The following NRTN variants were observed in gnomAD, a reference collection of about 807,000 sequenced individuals.
NRTN encodes prepro-neurturin.
Under a neutral mutation model 7.5 loss-of-function variants are expected in NRTN, and 3 were observed. The ratio of observed to expected loss-of-function variants is 0.40; its 90% CI spans 0.18 to 1.03. The LOEUF is 1.03. Ranked by LOEUF, NRTN falls within the 50% of genes least tolerant of loss-of-function variation. The pLI is 0.34. For missense variants in NRTN, 310 were observed against 307.0 expected, an observed-to-expected ratio of 1.01 and a Z score of -0.07; for synonymous variants, 157 against 146.6, an observed-to-expected ratio of 1.07 and a Z score of -0.51.
chr19:5,820,735 CAAGAAAAAAAAAAAA>C (rs974774871), intron 1 of NRTN, among the ~76,000 whole-genome samples: 11 of 62,140 alleles, frequency 1.8e-4, no homozygotes, highest in African/African-American at 5.4e-4. Context: ...AACTCTGTCT[CAAGAAAAAAAAAAAA>C]AAAAAAAAAA....
At chr19:5,822,833 C>T (rs2144765684) in intron 1 of NRTN, among the ~76,000 whole-genome samples, 1 of 151,732 alleles carries the variant, frequency 6.6e-6, no homozygotes, top group East Asian at 1.9e-4. Context: ...AGATTCCCCT[C>T]TCTATTAAAC....
chr19:5,815,066 C>T (rs1599635591), intron 1 of NRTN, among the ~76,000 whole-genome samples: 1 of 152,318 alleles, frequency 6.6e-6, no homozygotes, highest in African/African-American at 2.4e-5. Flanking sequence ...ATCTGCTTCC[C>T]CTCCTCTCAC....
chr19:5,805,985 G>A (rs143527262), intron 1 of NRTN, among the ~76,000 whole-genome samples: 1,767 of 152,214 alleles, frequency 0.012, 35 homozygotes, highest in African/African-American at 0.041. Context: ...GGTGAGGGCC[G>A]GGCCCTCTCG....
chr19:5,815,487 A>G (rs545314321), intron 1 of NRTN, among the ~76,000 whole-genome samples: 138 of 147,516 alleles, frequency 9.4e-4, no homozygotes, highest in African/African-American at 2.9e-3. Flanking sequence ...GCTGGAGTAC[A>G]GTGGCGCGAT....
chr19:5,824,126 CG>C lies in NRTN; in HGVS notation c.-36del. On this transcript the variant is annotated 5_prime_UTR_variant, in exon 2 of 3. Transcript: ENST00000303212. The stretch of plus-strand genomic sequence containing the variant: ...GCCCGTTGGCTGCTGGAGGGACAGA[CG>C]GGGCGTGCGGCTGACCATCCCGTGC... 6.2e-7 allele frequency: 1 copy of C among 1,600,016 alleles called. No individual in the cohort carries two copies.
chr19:5,815,546 C>A (rs992091016), intron 1 of NRTN, among the ~76,000 whole-genome samples: 10 of 147,104 alleles, frequency 6.8e-5, no homozygotes, highest in African/African-American at 2.4e-4. Flanking sequence ...ATTCTCCTGC[C>A]TTACTCACTC....
chr19:5,810,888 C>T (rs535505729), intron 1 of NRTN, among the ~76,000 whole-genome samples: 1 of 150,794 alleles, frequency 6.6e-6, no homozygotes, highest in South Asian at 2.1e-4. Context: ...GAGATCGCTC[C>T]ACTGCACTCC....
At chr19:5,805,875 G>T (rs1002989357) in intron 1 of NRTN, among the ~76,000 whole-genome samples, 3 of 152,106 alleles carry the variant, frequency 2.0e-5, no homozygotes, top group African/African-American at 7.2e-5. Flanking sequence ...GAGCCCGGGC[G>T]GGGGGCTGCC....
rs978836993 is a variant in NRTN, at chr19:5,805,265, G to A, written c.-585G>A. Among the ~76,000 whole-genome samples, 2 of 107,532 alleles carry A rather than the reference G, an allele frequency of 1.9e-5. No homozygotes were observed. Among genetic ancestry groups the A allele is most frequent in the Non-Finnish European group, 3.9e-5 (2 of 51,726 alleles). 70.5% of individuals were successfully genotyped at this position (107,532 alleles called of 152,430 possible). A position where few individuals can be genotyped will look rare whatever the true frequency, so the allele number is the denominator to read the frequency against. On this transcript the variant is annotated 5_prime_UTR_variant, in exon 1 of 3. Coordinates refer to ENST00000303212, the MANE Select transcript of NRTN (RefSeq NM_004558.5). ...CGCCGGCCCGGGATGGCCGCAGCCC[G>A]CGGCTAAGCGAGCCCGGGGGGCCCC...
At position 5,824,096 on chromosome 19, in the gene NRTN, C is replaced by T. The variant is rs1016065037; in HGVS notation, c.-70C>T. 5.5e-5 allele frequency: 87 copies of T among 1,586,480 alleles called. No individual in the cohort carries two copies. In the African/African-American group the frequency reaches 8.7e-4, roughly 16 times the overall value. On this transcript the variant is annotated 5_prime_UTR_variant, in exon 2 of 3. Coordinates refer to ENST00000303212, the MANE Select transcript of NRTN (RefSeq NM_004558.5). ...CCCACACTGAGTCCTGGCCCAGCGC[C>T]CTGTGCCCGTTGGCTGCTGGAGGGA...
At chr19:5,805,956 C>G (rs2056974107) in intron 1 of NRTN, among the ~76,000 whole-genome samples, 1 of 152,036 alleles carries the variant, frequency 6.6e-6, no homozygotes, top group South Asian at 2.1e-4. Flanking sequence ...CCGCCGCCGC[C>G]GGGGACACGG....
intron 1 of NRTN, among the ~76,000 whole-genome samples, chr19:5,821,463 C>T (rs376059912): frequency 4.0e-5 from 6 of 151,778 alleles, no homozygotes; most frequent in East Asian, 3.9e-4. Flanking sequence ...CCACCACGCC[C>T]GGCTAATTTT....
At position 5,805,258 on chromosome 19, in the gene NRTN, G is replaced by A. The variant is rs2056971552; in HGVS notation, c.-592G>A. 7.4e-6 allele frequency among the ~76,000 whole-genome samples: 1 copy of A among 135,184 alleles called. No homozygotes were observed. Among genetic ancestry groups the A allele is most frequent in the African/African-American group, 2.7e-5 (1 of 37,474 alleles). The allele number at this position is 135,184 out of a possible 152,430, so 88.7% of individuals were successfully genotyped here. On this transcript the variant is annotated 5_prime_UTR_variant, in exon 1 of 3. Coordinates refer to ENST00000303212, the MANE Select transcript of NRTN (RefSeq NM_004558.5). ...CAGCCCCCGCCGGCCCGGGATGGCC[G>A]CAGCCCGCGGCTAAGCGAGCCCGGG...
Position 5,827,985 on chromosome 19 carries a change from G to A in NRTN, c.406G>A (p.Ala136Thr), listed in dbSNP as rs2057054611. The A allele has an allele frequency of 6.8e-7, 1 of 1,462,642 alleles. No homozygotes were observed. The highest frequency in any genetic ancestry group is 2.2e-4 in the Middle Eastern group (1 of 4,520). The allele number at this position is 1,462,642 out of a possible 1,614,324, so 90.6% of individuals were successfully genotyped here. The change falls in exon 3 of 3, where the codon GCT (alanine) becomes ACT (threonine). Residue 136 changes from alanine to threonine, a missense_variant. Transcript: ENST00000303212. Reference protein sequence around the residue: ...LFRYCAGACEAAARVYDLGLR... With the variant: ...LFRYCAGACETAARVYDLGLR... ...CCGCTACTGCGCAGGCGCCTGCGAG[G>A]CTGCCGCGCGCGTCTACGACCTCGG...
At chr19:5,813,795 G>A (rs1223474324) in intron 1 of NRTN, among the ~76,000 whole-genome samples, 2 of 151,912 alleles carry the variant, frequency 1.3e-5, no homozygotes, top group Admixed American at 6.6e-5. Flanking sequence ...AGCTGAGATC[G>A]CACTGCTGCA....
rs2056984048 is a variant in NRTN, at chr19:5,809,610, G to C, written c.-399+4159G>C. 3.9e-5 allele frequency among the ~76,000 whole-genome samples: 6 copies of C among 152,306 alleles called. No homozygotes were observed. In the South Asian group the frequency reaches 1.2e-3, roughly 32 times the overall value. On this transcript the variant is annotated intron_variant, in intron 1 of 2. Transcript: ENST00000303212. ...CCAGGGTGGCCTTGGTTACCACCGA[G>C]TCCCTGGTCCCCAGCCAGGCCCTGG...
intron 2 of NRTN, among the ~76,000 whole-genome samples, chr19:5,827,056 G>C (rs1281050732): frequency 6.6e-6 from 1 of 152,124 alleles, no homozygotes; most frequent in Non-Finnish European, 1.5e-5. Context: ...AGTAGGCTGC[G>C]GTACCTGCTG....
intron 2 of NRTN, among the ~76,000 whole-genome samples, chr19:5,824,686 G>A (rs948339095): frequency 3.9e-5 from 6 of 152,214 alleles, no homozygotes; most frequent in Non-Finnish European, 7.3e-5. Flanking sequence ...GGAGGCTGAG[G>A]TGGGAGGATC....
intron 1 of NRTN, among the ~76,000 whole-genome samples, chr19:5,808,037 C>T (rs1244576518): frequency 3.3e-5 from 5 of 152,172 alleles, no homozygotes; most frequent in Non-Finnish European, 5.9e-5. Flanking sequence ...GAGCTGAGAT[C>T]GCACCACTGC....
Sources: allele counts gnomAD v4.1 joint callset (sites outside exome capture counted in the v4.1 genomes callset), GRCh38; gene constraint gnomAD v4.1.1; transcripts MANE v1.5; gene names NCBI Gene and HGNC (gene_info 2026-07-23, HGNC 2026-07-21).